The following PTCH1 variants were observed in gnomAD, a reference collection of about 807,000 sequenced individuals.
PTCH1 encodes the protein patched 1, also known as protein patched homolog 1.
PTCH1 carries 14 observed loss-of-function variants against 144.6 expected under a neutral mutation model. The observed-to-expected ratio is 0.10, with a 90% CI of 0.06 to 0.15. The LOEUF is 0.15. Ranked by LOEUF, PTCH1 falls within the 10% of genes least tolerant of loss-of-function variation. The pLI, the probability that PTCH1 is intolerant of heterozygous loss-of-function variation, is 1.00. For synonymous variants in PTCH1, 833 were observed against 793.6 expected, an observed-to-expected ratio of 1.05 and a Z score of -0.83; for missense variants, 1,623 against 1,948.3, an observed-to-expected ratio of 0.83 and a Z score of 3.14.
intron 2 of PTCH1, among the ~76,000 whole-genome samples, chr9:95,506,023 C>T (rs1458321047): frequency 6.8e-6 from 1 of 147,964 alleles, no homozygotes; most frequent in East Asian, 2.0e-4. Context: ...AGAAGAAAGC[C>T]GGGCCGCGGA....
At chr9:95,447,533 G>T in intron 22 of PTCH1, 82 bp from the exon 23 acceptor site, 2 of 1,415,598 alleles carry the variant, frequency 1.4e-6, no homozygotes, top group Non-Finnish European at 1.9e-6. Context: ...CCCTCCTTGG[G>T]TTTCACCAAA....
intron 2 of PTCH1, among the ~76,000 whole-genome samples, chr9:95,490,023 C>T (rs978811100): frequency 4.7e-5 from 7 of 148,952 alleles, no homozygotes; most frequent in Non-Finnish European, 7.5e-5. Context: ...AGGATGGTCT[C>T]GATCTCCTGA....
Position 95,449,578 on chromosome 9 carries a change from A to G in PTCH1, c.3550-255T>C. On this transcript the variant is annotated intron_variant, in intron 21 of 23. Transcript: ENST00000331920. The surrounding 1 kb of genome is among the most constrained non-coding windows in gnomAD (Gnocchi z 5.3). ...TTACTCTTGTGAAGTCCAATTATGC[A>G]TCTCAAGGGGAAAGTCTTCATTTAC... 1 of 632,296 alleles carries G rather than the reference A, an allele frequency of 1.6e-6. No individual in the cohort carries two copies. Among genetic ancestry groups the G allele is most frequent in the East Asian group, 2.7e-5 (1 of 36,658 alleles). The allele number at this position is 632,296 out of a possible 1,614,324, so 39.2% of individuals were successfully genotyped here. A position where few individuals can be genotyped will look rare whatever the true frequency, so the allele number is the denominator to read the frequency against.
chr9:95,482,487 C>A, intron 3 of PTCH1: 1 of 471,626 alleles, frequency 2.1e-6, no homozygotes, highest in Non-Finnish European at 3.8e-6. Flanking sequence ...TTGTTTACAC[C>A]ATTAATCTGC....
At chr9:95,513,049 CTG>C (rs1238791591), upstream of PTCH1, among the ~76,000 whole-genome samples, 1 of 152,238 alleles carries the variant, frequency 6.6e-6, no homozygotes, top group African/African-American at 2.4e-5. Context: ...CCTCCCTTCT[CTG>C]TTCCAATACT....
In PTCH1 at chr9:95,459,750, T is replaced by C. The variant is rs147643145; in HGVS notation, c.2737A>G (p.Ile913Val). ...TKQRLVDADG[I>V]INPSAFYIYL... ...ATGTAGAAAGCGCTGGGATTAATGA[T>C]GCCATCTGCATCCACCAGACGCTGT... The change falls in exon 17 of 24, where the codon ATC (isoleucine) becomes GTC (valine). Residue 913 changes from isoleucine to valine, a missense_variant. Transcript: ENST00000331920. 16 of 1,614,088 alleles carry C rather than the reference T, an allele frequency of 9.9e-6. No individual in the cohort carries two copies. In the South Asian group the frequency reaches 1.6e-4, roughly 17 times the overall value.
chr9:95,473,449 G>A (rs527998530), intron 12 of PTCH1, among the ~76,000 whole-genome samples: 1 of 152,080 alleles, frequency 6.6e-6, no homozygotes, highest in East Asian at 1.9e-4. Flanking sequence ...AATTTTGAGG[G>A]TCAATACATT....
upstream of PTCH1, among the ~76,000 whole-genome samples, chr9:95,511,124 C>T (rs533337818): frequency 3.0e-4 from 45 of 149,868 alleles, no homozygotes; most frequent in East Asian, 8.4e-3. Context: ...TTCAGCGGCC[C>T]CGCGCTGGCT....
chr9:95,452,178 A>C (rs1435252033), intron 20 of PTCH1: 1 of 152,256 alleles, frequency 6.6e-6, no homozygotes, highest in African/African-American at 2.4e-5. Flanking sequence ...CATTCTAAGA[A>C]GGCGGCCTCC....
rs1225079672 is a variant in PTCH1 at position 95,449,363 on chromosome 9, T to C, written c.3550-40A>G. 2 of 1,538,576 alleles carry C rather than the reference T, an allele frequency of 1.3e-6. No homozygotes were observed. The highest frequency in any genetic ancestry group is 2.7e-5 in the African/African-American group (2 of 73,236). On this transcript the variant is annotated intron_variant, in intron 21 of 23. Transcript: ENST00000331920. The surrounding 1 kb of genome is among the most constrained non-coding windows in gnomAD (Gnocchi z 5.3). ...TCCATGTTAAAAGTGTTCTTGTCCA[T>C]TTACCTGCTGGCCACACTCAAAGCT...
rs189547730 is a variant in PTCH1 at position 95,446,666 on chromosome 9, C to T, written c.*1+245G>A. The stretch of plus-strand genomic sequence containing the variant: ...GGTGGTGCTGTTTGTGTCCTTGTGG[C>T]GCTGCACCGACCCTCCGCAGGTTAG... On this transcript the variant is annotated intron_variant, in intron 23 of 23. Transcript: ENST00000331920. The T allele has an allele frequency of 9.9e-4, 599 of 604,386 alleles. 5 individuals are homozygous for T. The highest frequency in any genetic ancestry group is 7.5e-4 in the African/African-American group (41 of 54,328). 37.4% of individuals were successfully genotyped at this position (604,386 alleles called of 1,614,324 possible). A position where few individuals can be genotyped will look rare whatever the true frequency, so the allele number is the denominator to read the frequency against.
At chr9:95,451,707 G>T (rs904871107) in intron 20 of PTCH1, 4 of 152,190 alleles carry the variant, frequency 2.6e-5, no homozygotes, top group Admixed American at 2.6e-4. Flanking sequence ...GGCACTTATG[G>T]GGTGCTTGTT....
upstream of PTCH1, among the ~76,000 whole-genome samples, chr9:95,511,420 A>C (rs1284407275): frequency 1.3e-5 from 2 of 152,140 alleles, no homozygotes; most frequent in Non-Finnish European, 2.9e-5. Context: ...CGCAAACCGT[A>C]TGCGGTGCCG....
intron 10 of PTCH1, among the ~76,000 whole-genome samples, chr9:95,477,262 A>C (rs1227422304): frequency 6.6e-6 from 1 of 152,188 alleles, no homozygotes; most frequent in Non-Finnish European, 1.5e-5. Context: ...AAGCCATGCA[A>C]ATGCCCACCA....
rs1390398176 is a variant in PTCH1, at chr9:95,461,846, G to A, written c.2703+10C>T. 6.2e-7 allele frequency: 1 copy of A among 1,614,122 alleles called. No homozygotes were observed. Among genetic ancestry groups the A allele is most frequent in the African/African-American group, 1.3e-5 (1 of 75,066 alleles). ...CTGGAAGCGCCCTCAGTGCCCAGCA[G>A]CTGGAGTACCTGGCTGATGTCGATG... On this transcript the variant is annotated intron_variant, in intron 16 of 23. Coordinates refer to ENST00000331920, the MANE Select transcript of PTCH1 (RefSeq NM_000264.5).
chr9:95,465,137 T>G (rs117852682), intron 15 of PTCH1, among the ~76,000 whole-genome samples: 186 of 151,992 alleles, frequency 1.2e-3, no homozygotes, highest in Admixed American at 2.5e-3. Context: ...AAGAAACGTA[T>G]AGAGATGATC....
In PTCH1 at chr9:95,462,648, G is replaced by A. The variant is rs554575493; in HGVS notation, c.2561-650C>T. Among the ~76,000 whole-genome samples the A allele has an allele frequency of 2.0e-5, 3 of 152,330 alleles. No individual in the cohort carries two copies. In the East Asian group the frequency reaches 5.8e-4, roughly 29 times the overall value. ...GAGAGGGGGTGGAGGAGAAGGAAGG[G>A]AAGGCGCTCGTGTGCACGCAGGGAA... On this transcript the variant is annotated intron_variant, in intron 15 of 23. Coordinates refer to ENST00000331920, the MANE Select transcript of PTCH1 (RefSeq NM_000264.5).
chr9:95,454,244 T>C (rs573896018), intron 19 of PTCH1, among the ~76,000 whole-genome samples: 1 of 152,346 alleles, frequency 6.6e-6, no homozygotes, highest in Admixed American at 6.5e-5. Flanking sequence ...TGTTGATAAC[T>C]AAACGGGAAC....
chr9:95,449,515 T>G lies in PTCH1; in HGVS notation c.3550-192A>C. 1 of 750,174 alleles carries G rather than the reference T, an allele frequency of 1.3e-6. No homozygotes were observed. The highest frequency in any genetic ancestry group is 2.2e-6 in the Non-Finnish European group (1 of 457,090). The allele number at this position is 750,174 out of a possible 1,614,324, so 46.5% of individuals were successfully genotyped here. ...TCCCGCAGCTGGAGCAGAAGAACTG[T>G]CCTCTGCTCCACACTGGAAAGGCAG... is the stretch of plus-strand genomic sequence containing the variant. On this transcript the variant is annotated intron_variant, in intron 21 of 23. Transcript: ENST00000331920. The surrounding 1 kb of genome is among the most constrained non-coding windows in gnomAD (Gnocchi z 5.3).
Sources: gnomAD v4.1 joint callset for allele counts (sites outside exome capture counted in the v4.1 genomes callset) on GRCh38, gnomAD v4.1.1 for gene constraint, Gnocchi (gnomAD v3.1) non-coding constraint, MANE v1.5 for transcripts, NCBI Gene and HGNC (gene_info 2026-07-23, HGNC 2026-07-21) for gene names.